Variants in SLC25A16 observed in about 807,000 individuals in gnomAD.
The protein encoded by SLC25A16 is solute carrier family 25 member 16.
SLC25A16 carries 39 observed loss-of-function variants against 41.5 expected under a neutral mutation model. The ratio of observed to expected loss-of-function variants is 0.94; its 90% CI spans 0.73 to 1.23. The LOEUF (loss-of-function observed/expected upper bound fraction) is 1.23, where lower values mean the gene tolerates loss of function less well. SLC25A16 is among the 50% of genes most tolerant of loss of function. The pLI is 0.00. For missense variants in SLC25A16, 421 were observed against 426.9 expected (o/e 0.99, Z 0.12); for synonymous variants, 146 against 147.8 (o/e 0.99, Z 0.09).
At chr10:68,511,395 T>C (rs941035726) in intron 2 of SLC25A16, among the ~76,000 whole-genome samples, 3 of 152,212 alleles carry the variant, frequency 2.0e-5, no homozygotes, top group Non-Finnish European at 4.4e-5. Context: ...ATATGCCTTG[T>C]AGGGTATACT....
chr10:68,509,702 CA>C (rs147491161), intron 2 of SLC25A16, among the ~76,000 whole-genome samples: 12,168 of 138,858 alleles, frequency 0.088, 721 homozygotes, highest in South Asian at 0.25. Flanking sequence ...GACCATGTCT[CA>C]AAAAAAAAAA....
chr10:68,511,037 G>C (rs2053054527), intron 2 of SLC25A16, among the ~76,000 whole-genome samples: 1 of 152,128 alleles, frequency 6.6e-6, no homozygotes, highest in African/African-American at 2.4e-5. Flanking sequence ...AGGAGGTCGA[G>C]ACCAGCATGG....
chr10:68,525,736 G>A (rs1367603007), intron 1 of SLC25A16, among the ~76,000 whole-genome samples: 1 of 152,136 alleles, frequency 6.6e-6, no homozygotes, highest in African/African-American at 2.4e-5. Flanking sequence ...AGACATAGGA[G>A]ACTCCATTTT....
Position 68,516,951 on chromosome 10 carries a change from T to A in SLC25A16, c.131-108A>T, listed in dbSNP as rs147900519. 3.9e-6 allele frequency: 4 copies of A among 1,026,776 alleles called. No homozygotes were observed. In the South Asian group the frequency reaches 6.3e-5, roughly 16 times the overall value. 63.6% of individuals were successfully genotyped at this position (1,026,776 alleles called of 1,614,324 possible). A position where few individuals can be genotyped will look rare whatever the true frequency, so the allele number is the denominator to read the frequency against. ...CCTCTAATCTCTAATTCAGTCTCCA[T>A]GAGTAAATCTGCCCACAGCGTATAG... On this transcript the variant is annotated intron_variant, in intron 1 of 8. Coordinates refer to ENST00000609923, the MANE Select transcript of SLC25A16 (RefSeq NM_152707.4).
Position 68,493,665 on chromosome 10 carries a change from G to A in SLC25A16, c.422-95C>T, listed in dbSNP as rs1031402732. ...TATTATTCTCAATATTATGGCAATGGTGAAAACCCAATAAAATCAAAGGTG... is the reference window on the plus strand; with the variant it reads ...TATTATTCTCAATATTATGGCAATGATGAAAACCCAATAAAATCAAAGGTG... On this transcript the variant is annotated intron_variant, in intron 4 of 8. Coordinates refer to ENST00000609923, the MANE Select transcript of SLC25A16 (RefSeq NM_152707.4). 12 of 966,078 alleles carry A rather than the reference G, an allele frequency of 1.2e-5. No individual in the cohort carries two copies. The South Asian group carries it at 1.7e-4, about 14-fold the overall frequency. The allele number at this position is 966,078 out of a possible 1,614,324, so 59.8% of individuals were successfully genotyped here.
chr10:68,507,047 G>T (rs938430059), intron 2 of SLC25A16, among the ~76,000 whole-genome samples: 3 of 145,846 alleles, frequency 2.1e-5, no homozygotes, highest in African/African-American at 2.5e-5. Flanking sequence ...CAAGGTCCAG[G>T]TTTGCACTAA....
intron 1 of SLC25A16, among the ~76,000 whole-genome samples, chr10:68,523,078 CCAA>C (rs1224359822): frequency 6.6e-6 from 1 of 152,172 alleles, no homozygotes; most frequent in Non-Finnish European, 1.5e-5. Flanking sequence ...TTTAACTTAG[CCAA>C]CAACGATAGC....
chr10:68,488,606 T>A lies in SLC25A16; in HGVS notation c.634A>T (p.Thr212Ser). The stretch of plus-strand genomic sequence containing the variant: ...TGGGAAAGCCCAACACTCTTCAAGG[T>A]ACCAAAAGTAAAAAATGAAACACCT... ...YAGVSFFTFG[T>S]LKSVGLSHAP... is the part of the protein sequence containing the mutation. The change falls in exon 7 of 9, where the codon ACC becomes TCC. Residue 212 changes from threonine to serine, a missense_variant. By Grantham distance (58) the Thr-to-Ser change is moderately conservative. Coordinates refer to ENST00000609923, the MANE Select transcript of SLC25A16 (RefSeq NM_152707.4). The A allele has an allele frequency of 5.6e-6, 9 of 1,613,220 alleles. No homozygotes were observed. The highest frequency in any genetic ancestry group is 7.6e-6 in the Non-Finnish European group (9 of 1,179,784).
In SLC25A16 at chr10:68,510,534, C is replaced by A. The variant is rs909448805; in HGVS notation, c.224-3816G>T. Among the ~76,000 whole-genome samples, 7 of 150,820 alleles carry A rather than the reference C, an allele frequency of 4.6e-5. No individual in the cohort carries two copies. The East Asian group carries it at 1.4e-3, about 30-fold the overall frequency. On this transcript the variant is annotated intron_variant, in intron 2 of 8. Transcript: ENST00000609923. ...TCCAGCCTGGGTGACAAGAGTGAAA[C>A]TACGTCTCAAAAAATTAAAAAATGG...
chr10:68,520,691 A>G (rs1473257787), intron 1 of SLC25A16, among the ~76,000 whole-genome samples: 2 of 152,062 alleles, frequency 1.3e-5, no homozygotes, highest in Non-Finnish European at 1.5e-5. Context: ...ACATGCCTGT[A>G]ATCCCAGCTA....
In SLC25A16 at chr10:68,487,890, G is replaced by A. The variant is rs547136667; in HGVS notation, c.773+577C>T. On this transcript the variant is annotated intron_variant, in intron 7 of 8. Transcript: ENST00000609923. ...TTTTTTTGAGATGGAGTCTCACTCTGTCGCCCAGGCTGGAGTGCAGTGACG... is the reference window on the plus strand; with the variant it reads ...TTTTTTTGAGATGGAGTCTCACTCTATCGCCCAGGCTGGAGTGCAGTGACG... Among the ~76,000 whole-genome samples, 362 of 151,642 alleles carry A rather than the reference G, an allele frequency of 2.4e-3. 1 individual carries two copies. Among genetic ancestry groups the A allele is most frequent in the African/African-American group, 8.3e-3 (342 of 41,250 alleles).
intron 2 of SLC25A16, among the ~76,000 whole-genome samples, chr10:68,513,818 A>C (rs944016303): frequency 6.6e-6 from 1 of 152,084 alleles, no homozygotes; most frequent in Non-Finnish European, 1.5e-5. Context: ...TGAACCCAGG[A>C]GGCAGAGGTT....
At chr10:68,521,422 T>C (rs1564930507) in intron 1 of SLC25A16, among the ~76,000 whole-genome samples, 1 of 151,568 alleles carries the variant, frequency 6.6e-6, no homozygotes, top group Non-Finnish European at 1.5e-5. Flanking sequence ...CCAACTACTG[T>C]GGAGTCTGAG....
intron 2 of SLC25A16, among the ~76,000 whole-genome samples, chr10:68,509,760 TAG>T (rs1439272684): frequency 1.8e-4 from 27 of 148,328 alleles, no homozygotes; most frequent in East Asian, 7.8e-4. Context: ...TATAGATATA[TAG>T]ATATAGATAG....
intron 4 of SLC25A16, among the ~76,000 whole-genome samples, chr10:68,497,213 G>A (rs1278364735): frequency 6.6e-6 from 1 of 152,114 alleles, no homozygotes; most frequent in Non-Finnish European, 1.5e-5. Context: ...AGCATCCAGA[G>A]TCCATGTACA....
intron 8 of SLC25A16, among the ~76,000 whole-genome samples, chr10:68,485,146 G>C (rs1476711257): frequency 6.6e-6 from 1 of 152,178 alleles, no homozygotes; most frequent in Admixed American, 6.5e-5. Flanking sequence ...CTGGAGTGCA[G>C]TAGCACGATC....
Position 68,493,203 on chromosome 10 carries a change from T to C in SLC25A16, c.544-5A>G. 6.3e-7 allele frequency: 1 copy of C among 1,575,540 alleles called. No homozygotes were observed. Among genetic ancestry groups the C allele is most frequent in the Non-Finnish European group, 8.6e-7 (1 of 1,160,102 alleles). ...AAATCCAAAGAAACCACCTTCCTTT[T>C]GAGTGAAGGAAAATTGCAAGTGAGA... On this transcript the variant is annotated splice_polypyrimidine_tract_variant and splice_region_variant and intron_variant, in intron 5 of 8. Coordinates refer to ENST00000609923, the MANE Select transcript of SLC25A16 (RefSeq NM_152707.4).
At chr10:68,497,621 A>ATTTTT (rs565594457) in intron 4 of SLC25A16, among the ~76,000 whole-genome samples, 51 of 140,100 alleles carry the variant, frequency 3.6e-4, no homozygotes, top group African/African-American at 1.3e-3. Context: ...TTTTTTTTTA[A>ATTTTT]TTTTTTTTTT....
chr10:68,502,122 G>A (rs1361840403), intron 4 of SLC25A16, among the ~76,000 whole-genome samples: 1 of 13,076 alleles, frequency 7.6e-5, no homozygotes, highest in Non-Finnish European at 4.3e-4. Context: ...TTGAACCTGG[G>A]AGGCAGAGGT....
Sources: allele counts gnomAD v4.1 joint callset (sites outside exome capture counted in the v4.1 genomes callset), GRCh38; gene constraint gnomAD v4.1.1; transcripts MANE v1.5; gene names NCBI Gene and HGNC (gene_info 2026-07-23, HGNC 2026-07-21).